ST3GAL1: variants seen among roughly 807,000 people sequenced by gnomAD.
The protein encoded by ST3GAL1 is CMP-N-acetylneuraminate-beta-galactosamide-alpha-2,3-sialyltransferase 1.
ST3GAL1 carries 16 observed loss-of-function variants against 34.1 expected under a neutral mutation model. The observed-to-expected ratio is 0.47, with a 90% CI of 0.32 to 0.71. ST3GAL1 has a LOEUF of 0.71. Among genes scored for constraint, ST3GAL1 ranks in the 30% least tolerant of loss-of-function variants. The pLI is 0.04. For synonymous variants in ST3GAL1, 191 were observed against 184.7 expected (o/e 1.03, Z -0.28); for missense variants, 353 against 447.4 (o/e 0.79, Z 1.90).
At chr8:133,471,051 G>A (rs887102272) in intron 5 of ST3GAL1, among the ~76,000 whole-genome samples, 2 of 151,914 alleles carry the variant, frequency 1.3e-5, no homozygotes, top group Non-Finnish European at 2.9e-5. Flanking sequence ...ATGATGCATC[G>A]CCTTCTGAGA....
chr8:133,456,260 T>A lies in ST3GAL1; in HGVS notation c.*3504A>T, dbSNP rs981170109. On this transcript the variant is annotated 3_prime_UTR_variant, in exon 10 of 10. Transcript: ENST00000522652. ...GGAGAGGTGCATGTAGCTCCAGCTA[T>A]AGCAAATCAGTGCCCTGACTCACTG... 6.6e-6 allele frequency: 1 copy of A among 152,016 alleles called. No homozygotes were observed. The highest frequency in any genetic ancestry group is 1.5e-5 in the Non-Finnish European group (1 of 68,032). 9.4% of individuals were successfully genotyped at this position (152,016 alleles called of 1,614,324 possible).
At chr8:133,462,202 T>A (rs1325123659) in intron 8 of ST3GAL1, among the ~76,000 whole-genome samples, 1 of 152,054 alleles carries the variant, frequency 6.6e-6, no homozygotes, top group East Asian at 1.9e-4. Flanking sequence ...ATAAGTGCTA[T>A]GGAGAGCAAT....
chr8:133,502,221 TC>T (rs1479617157), intron 2 of ST3GAL1, among the ~76,000 whole-genome samples: 7 of 152,158 alleles, frequency 4.6e-5, no homozygotes, highest in Non-Finnish European at 1.0e-4. Context: ...CCAGACGCTG[TC>T]CTAACCCATT....
chr8:133,539,156 C>T (rs1439250016), intron 2 of ST3GAL1, among the ~76,000 whole-genome samples: 1 of 152,158 alleles, frequency 6.6e-6, no homozygotes, highest in Non-Finnish European at 1.5e-5. Context: ...ACAGGTCAGC[C>T]CGCAGAACTT....
At chr8:133,513,849 A>C (rs1373241982) in intron 2 of ST3GAL1, among the ~76,000 whole-genome samples, 1 of 151,868 alleles carries the variant, frequency 6.6e-6, no homozygotes, top group Non-Finnish European at 1.5e-5. Flanking sequence ...CAGTGAGCTG[A>C]GATTACGCCA....
chr8:133,462,425 G>T (rs1815547403), intron 8 of ST3GAL1, among the ~76,000 whole-genome samples: 2 of 152,172 alleles, frequency 1.3e-5, no homozygotes, highest in African/African-American at 4.8e-5. Flanking sequence ...TCCTTAAAAT[G>T]ACCTCATGTC....
chr8:133,485,521 C>G (rs893470692), intron 3 of ST3GAL1, among the ~76,000 whole-genome samples: 4 of 152,224 alleles, frequency 2.6e-5, no homozygotes, highest in Non-Finnish European at 4.4e-5. Flanking sequence ...CGAATCAAAT[C>G]CTCACGCTTC....
chr8:133,468,691 G>C (rs1371877013), intron 5 of ST3GAL1, among the ~76,000 whole-genome samples: 1 of 152,174 alleles, frequency 6.6e-6, no homozygotes, highest in Non-Finnish European at 1.5e-5. Flanking sequence ...GATTCTGATG[G>C]GATCATCCAG....
intron 2 of ST3GAL1, among the ~76,000 whole-genome samples, chr8:133,531,801 A>G (rs991839936): frequency 2.9e-5 from 3 of 102,390 alleles, no homozygotes; most frequent in African/African-American, 1.4e-4. Flanking sequence ...TTGTATCCCG[A>G]AACTTAAAAA....
intron 3 of ST3GAL1, among the ~76,000 whole-genome samples, chr8:133,483,623 A>G (rs1816476161): frequency 6.6e-6 from 1 of 152,204 alleles, no homozygotes; most frequent in Non-Finnish European, 1.5e-5. Flanking sequence ...TTCTGGCCGA[A>G]TTCATTATTT....
intron 3 of ST3GAL1, among the ~76,000 whole-genome samples, chr8:133,488,900 TA>T: frequency 6.6e-6 from 1 of 152,012 alleles, no homozygotes. Context: ...GTGGCCCCCC[TA>T]AAGTCTGGAC....
chr8:133,498,376 C>A (rs1817034502), intron 3 of ST3GAL1, among the ~76,000 whole-genome samples: 1 of 152,206 alleles, frequency 6.6e-6, no homozygotes, highest in Non-Finnish European at 1.5e-5. Flanking sequence ...TGTTTCTGGG[C>A]CTCAGTGTCC....
At chr8:133,465,773 T>C in intron 6 of ST3GAL1, 121 bp downstream of exon 6, 2 of 1,099,988 alleles carry the variant, frequency 1.8e-6, no homozygotes, top group South Asian at 3.2e-5. Context: ...CTGGGGTCCC[T>C]GGGTAAGTTC....
intron 2 of ST3GAL1, among the ~76,000 whole-genome samples, chr8:133,512,236 C>G (rs369526149): frequency 1.7e-3 from 257 of 152,266 alleles, no homozygotes; most frequent in African/African-American, 5.6e-3. Context: ...GGCCCAAGAG[C>G]CCCTGGCAAA....
intron 3 of ST3GAL1, chr8:133,488,045 G>A (rs1309769048): frequency 6.6e-6 from 1 of 151,878 alleles, no homozygotes; most frequent in African/African-American, 2.4e-5. Context: ...GTGGGACAGA[G>A]GCTGAGATTA....
At chr8:133,514,397 C>T (rs1050336786) in intron 2 of ST3GAL1, among the ~76,000 whole-genome samples, 4 of 152,144 alleles carry the variant, frequency 2.6e-5, no homozygotes, top group Non-Finnish European at 5.9e-5. Flanking sequence ...CCCGTCATAT[C>T]TCCAGCAAGG....
intron 1 of ST3GAL1, among the ~76,000 whole-genome samples, chr8:133,565,265 GC>G (rs1366570198): frequency 1.3e-5 from 2 of 151,258 alleles, no homozygotes; most frequent in East Asian, 3.9e-4. Flanking sequence ...GGAGCTCCCT[GC>G]CTTTGGCTGC....
intron 8 of ST3GAL1, among the ~76,000 whole-genome samples, chr8:133,462,433 G>A (rs1815547770): frequency 6.6e-6 from 1 of 152,134 alleles, no homozygotes; most frequent in African/African-American, 2.4e-5. Context: ...ATGACCTCAT[G>A]TCCCAGGTTT....
intron 3 of ST3GAL1, among the ~76,000 whole-genome samples, chr8:133,485,738 C>A (rs927455290): frequency 6.6e-6 from 1 of 151,412 alleles, no homozygotes; most frequent in African/African-American, 2.4e-5. Context: ...TTCCCAGGGG[C>A]AGGATCTTAG....
Sources: allele counts gnomAD v4.1 joint callset (sites outside exome capture counted in the v4.1 genomes callset), GRCh38; gene constraint gnomAD v4.1.1; transcripts MANE v1.5; gene names NCBI Gene and HGNC (gene_info 2026-07-23, HGNC 2026-07-21).